CSN1S1: variants seen among roughly 807,000 people sequenced by gnomAD.
The protein encoded by CSN1S1 is casein alpha s1.
Under a neutral mutation model 49.1 loss-of-function variants are expected in CSN1S1, and 63 were observed. The ratio of observed to expected loss-of-function variants is 1.28; its 90% CI spans 1.05 to 1.58. CSN1S1 has a LOEUF of 1.58. Among genes scored for constraint, CSN1S1 ranks in the 40% most tolerant of loss-of-function variants. The pLI is 0.00. For synonymous variants in CSN1S1, 78 were observed against 67.1 expected (o/e 1.16, Z -0.79); for missense variants, 260 against 224.7 (o/e 1.16, Z -1.01).
intron 4 of CSN1S1, 106 bp from the exon 5 acceptor site, chr4:69,935,820 A>T: frequency 1.3e-6 from 1 of 754,036 alleles, no homozygotes; most frequent in East Asian, 2.7e-5. Context: ...TTTTGACTTA[A>T]TTGTTGAATA....
At chr4:69,939,236 T>C (rs371380477) in intron 10 of CSN1S1, 28 bp downstream of exon 10, 25 of 1,535,372 alleles carry the variant, frequency 1.6e-5, no homozygotes, top group Non-Finnish European at 2.0e-5. Flanking sequence ...TAATTCTGTG[T>C]CCCAACTAAT....
At position 69,935,719 on chromosome 4, in the gene CSN1S1, G is replaced by C. The variant is rs3736268; in HGVS notation, c.106-207G>C. ...TCCAAAACACTCTGCTCTCCTTTCCGTGACGTATGTAGAGGTTTACAATTT... is the reference window on the plus strand; with the variant it reads ...TCCAAAACACTCTGCTCTCCTTTCCCTGACGTATGTAGAGGTTTACAATTT... On this transcript the variant is annotated intron_variant, in intron 4 of 15. Transcript: ENST00000246891. Among the ~76,000 whole-genome samples, 6 of 152,060 alleles carry C rather than the reference G, an allele frequency of 3.9e-5. No homozygotes were observed. The South Asian group carries it at 6.2e-4, about 16-fold the overall frequency.
intron 1 of CSN1S1, among the ~76,000 whole-genome samples, chr4:69,931,781 T>A (rs1466168529): frequency 6.6e-6 from 1 of 151,874 alleles, no homozygotes; most frequent in Non-Finnish European, 1.5e-5. Flanking sequence ...GTGACCTGAT[T>A]TTTTTTCTAA....
At chr4:69,933,264 C>T (rs921718720) in intron 2 of CSN1S1, among the ~76,000 whole-genome samples, 4 of 152,016 alleles carry the variant, frequency 2.6e-5, no homozygotes, top group African/African-American at 9.6e-5. Flanking sequence ...CTGTTCTCTC[C>T]TGTTATGTGT....
chr4:69,932,774 T>C lies in CSN1S1; in HGVS notation c.51+168T>C, dbSNP rs755442913. Among the ~76,000 whole-genome samples, 21 of 152,122 alleles carry C rather than the reference T, an allele frequency of 1.4e-4. 1 individual carries two copies. Among genetic ancestry groups the C allele is most frequent in the Middle Eastern group, 3.4e-3 (1 of 294 alleles). ...GCAGTAATGCTTCACATTTTCATCA[T>C]TATTGCATAGTCCACTGAGAGCCTT... On this transcript the variant is annotated intron_variant, in intron 2 of 15. Coordinates refer to ENST00000246891, the MANE Select transcript of CSN1S1 (RefSeq NM_001890.2).
chr4:69,945,044 A>G (rs545261960), intron 15 of CSN1S1, 40 bp downstream of exon 15: 9 of 1,599,974 alleles, frequency 5.6e-6, no homozygotes, highest in Middle Eastern at 1.7e-4. Flanking sequence ...TGTTCTACCA[A>G]AGGAATGAAA....
chr4:69,943,598 C>T (rs112105222), intron 14 of CSN1S1, among the ~76,000 whole-genome samples: 2,158 of 152,046 alleles, frequency 0.014, 43 homozygotes, highest in African/African-American at 0.047. Context: ...AATTACTAAA[C>T]TAGTGCCTTA....
chr4:69,938,649 T>A (rs759735803), intron 9 of CSN1S1, among the ~76,000 whole-genome samples: 37 of 151,778 alleles, frequency 2.4e-4, no homozygotes, highest in Admixed American at 7.3e-4. Flanking sequence ...TATATGTATA[T>A]ATAAATATAA....
chr4:69,945,704 T>A (rs1723139092), intron 15 of CSN1S1, among the ~76,000 whole-genome samples: 1 of 151,994 alleles, frequency 6.6e-6, no homozygotes, highest in Admixed American at 6.6e-5. Flanking sequence ...AAATTATGTA[T>A]CTAACCATTG....
At chr4:69,943,458 T>TG (rs1362926704) in intron 14 of CSN1S1, among the ~76,000 whole-genome samples, 3 of 152,012 alleles carry the variant, frequency 2.0e-5, no homozygotes, top group African/African-American at 7.2e-5. Context: ...GTGCTGGGAT[T>TG]ACAGGCATGA....
At chr4:69,934,737 A>AT (rs1196771518) in intron 4 of CSN1S1, 27 bp downstream of exon 4, 1 of 1,600,466 alleles carries the variant, frequency 6.2e-7, no homozygotes, top group African/African-American at 1.3e-5. Context: ...GGGAGTCAGG[A>AT]TTCTCTCTTC....
Position 69,942,030 on chromosome 4 carries a change from G to GT in CSN1S1, c.343-12dup. ...TAAAATGAAAATACTAAAACAGAAT[G>GT]TTTTCTCCTCCCTAGCAAGCTGCCC... On this transcript the variant is annotated splice_polypyrimidine_tract_variant and intron_variant, in intron 12 of 15. Coordinates refer to ENST00000246891, the MANE Select transcript of CSN1S1 (RefSeq NM_001890.2). 1 of 1,444,254 alleles carries GT rather than the reference G, an allele frequency of 6.9e-7. No individual in the cohort carries two copies. Among genetic ancestry groups the GT allele is most frequent in the South Asian group, 1.4e-5 (1 of 69,184 alleles). 89.5% of individuals were successfully genotyped at this position (1,444,254 alleles called of 1,614,324 possible). A position where few individuals can be genotyped will look rare whatever the true frequency, so the allele number is the denominator to read the frequency against.
chr4:69,945,636 C>T (rs1039481316), intron 15 of CSN1S1, among the ~76,000 whole-genome samples: 3 of 151,852 alleles, frequency 2.0e-5, no homozygotes, highest in Non-Finnish European at 4.4e-5. Context: ...TTCATTATTT[C>T]GGAAGAATTA....
In CSN1S1 at chr4:69,946,307, C is replaced by A. The variant is rs181747026; in HGVS notation, c.*111C>A. The A allele has an allele frequency of 8.9e-4, 343 of 384,194 alleles. No homozygotes were observed. The highest frequency in any genetic ancestry group is 6.6e-3 in the African/African-American group (317 of 48,386). The allele number at this position is 384,194 out of a possible 1,614,324, so 23.8% of individuals were successfully genotyped here. On this transcript the variant is annotated 3_prime_UTR_variant, in exon 16 of 16. Transcript: ENST00000246891. ...AAATCCCATATTGAAGGAAATTGTT[C>A]TTTTTGAGTTATCTACTTAATAGCA...
At chr4:69,942,401 T>G in intron 13 of CSN1S1, 135 bp from the exon 14 acceptor site, 1 of 755,834 alleles carries the variant, frequency 1.3e-6, no homozygotes, top group Non-Finnish European at 2.2e-6. Context: ...TGACATTTTT[T>G]GCTAACTGTG....
chr4:69,934,641 C>G (rs778896838), intron 3 of CSN1S1, 49 bp from the exon 4 acceptor site: 3 of 1,539,706 alleles, frequency 1.9e-6, no homozygotes, highest in Non-Finnish European at 2.7e-6. Context: ...ATCCTACATT[C>G]TGTCCTGCAA....
chr4:69,937,240 G>A (rs1578133768), intron 8 of CSN1S1, 96 bp downstream of exon 8: 2 of 892,978 alleles, frequency 2.2e-6, no homozygotes, highest in South Asian at 3.7e-5. Context: ...AAAAACTATG[G>A]CAGATAACTC....
At position 69,933,226 on chromosome 4, in the gene CSN1S1, G is replaced by A. The variant is rs143655339; in HGVS notation, c.51+620G>A. On this transcript the variant is annotated intron_variant, in intron 2 of 15. Transcript: ENST00000246891. ...TCAAAAAGAGTGTTTATATCAATTA[G>A]ATAAGTATGTGAACCAAAAAGTTTT... Among the ~76,000 whole-genome samples the A allele has an allele frequency of 2.4e-3, 359 of 152,054 alleles. 3 individuals are homozygous for A. Among genetic ancestry groups the A allele is most frequent in the African/African-American group, 8.0e-3 (332 of 41,526 alleles).
intron 9 of CSN1S1, among the ~76,000 whole-genome samples, chr4:69,938,525 T>C (rs905772304): frequency 2.0e-5 from 3 of 151,698 alleles, no homozygotes; most frequent in East Asian, 1.9e-4. Context: ...TCTACAATTA[T>C]ATTTTTTTAA....
Sources: allele counts gnomAD v4.1 joint callset (sites outside exome capture counted in the v4.1 genomes callset), GRCh38; gene constraint gnomAD v4.1.1; transcripts MANE v1.5; gene names NCBI Gene and HGNC (gene_info 2026-07-23, HGNC 2026-07-21).